Variants in DDX50 observed in about 807,000 individuals in gnomAD.
DDX50 encodes the protein ATP-dependent RNA helicase DDX50.
Under a neutral mutation model 94.8 loss-of-function variants are expected in DDX50, and 56 were observed. The ratio of observed to expected loss-of-function variants is 0.59; its 90% CI spans 0.48 to 0.74. The LOEUF (loss-of-function observed/expected upper bound fraction) is 0.74, where lower values mean the gene tolerates loss of function less well. Among genes scored for constraint, DDX50 ranks in the 30% least tolerant of loss-of-function variants. The probability of loss-of-function intolerance (pLI) is 0.00; values close to 1 mark genes in which losing one functional copy is unlikely to be tolerated. For missense variants in DDX50, 713 were observed against 881.2 expected, an observed-to-expected ratio of 0.81 and a Z score of 2.42; for synonymous variants, 264 against 295.4, an observed-to-expected ratio of 0.89 and a Z score of 1.09.
At chr10:68,907,705 G>A (rs10733848) in intron 2 of DDX50, among the ~76,000 whole-genome samples, 131,885 of 151,958 alleles carry the variant, frequency 0.87, 57,334 homozygotes, top group East Asian at 0.99. Flanking sequence ...TTGGGGAAAA[G>A]TGTTGAATCC....
chr10:68,925,060 C>T (rs568523459), intron 8 of DDX50, among the ~76,000 whole-genome samples: 2 of 151,104 alleles, frequency 1.3e-5, no homozygotes, highest in Admixed American at 6.6e-5. Context: ...CAAATTCCCC[C>T]ACGTAGATAC....
chr10:68,940,303 C>A (rs1331946912), intron 12 of DDX50, among the ~76,000 whole-genome samples: 1 of 150,874 alleles, frequency 6.6e-6, no homozygotes, highest in African/African-American at 2.4e-5. Context: ...TGCTTGAGCC[C>A]AGAAGGTTGA....
chr10:68,906,040 C>T (rs935746978), intron 1 of DDX50, among the ~76,000 whole-genome samples: 2 of 152,136 alleles, frequency 1.3e-5, no homozygotes, highest in African/African-American at 2.4e-5. Flanking sequence ...GGTAGCACCC[C>T]GGTAGGGTTT....
Position 68,911,260 on chromosome 10 carries a change from G to A in DDX50, c.639+14G>A. ...CGCTCACCAAAGGTAATCGTTATAG[G>A]GGGTAAAAGCTTTAAATGTTACTCT... On this transcript the variant is annotated intron_variant, in intron 4 of 14. Transcript: ENST00000373585. The A allele has an allele frequency of 3.9e-6, 6 of 1,555,928 alleles. No homozygotes were observed. Among genetic ancestry groups the A allele is most frequent in the Non-Finnish European group, 5.2e-6 (6 of 1,155,680 alleles).
At chr10:68,929,294 TC>T (rs1489313418) in intron 8 of DDX50, among the ~76,000 whole-genome samples, 7,118 of 109,020 alleles carry the variant, frequency 0.065, 458 homozygotes, top group African/African-American at 0.18. Context: ...CCTTCCTTCC[TC>T]TCTCTCTCTC....
intron 14 of DDX50, among the ~76,000 whole-genome samples, 154 bp downstream of exon 14, chr10:68,943,411 T>A (rs1032694485): frequency 6.6e-6 from 1 of 152,180 alleles, no homozygotes; most frequent in African/African-American, 2.4e-5. Context: ...AAACTTAAAT[T>A]TATTTTTAAA....
chr10:68,922,264 A>G (rs1394124157), intron 8 of DDX50, among the ~76,000 whole-genome samples: 1 of 152,074 alleles, frequency 6.6e-6, no homozygotes, highest in Non-Finnish European at 1.5e-5. Context: ...AGATGTAATC[A>G]TGGCACTTGA....
chr10:68,915,496 T>C (rs977815206), intron 7 of DDX50, among the ~76,000 whole-genome samples: 87 of 152,040 alleles, frequency 5.7e-4, no homozygotes, highest in Admixed American at 4.6e-4. Flanking sequence ...GGCGGGCAGA[T>C]CACGAGGTCA....
At position 68,923,695 on chromosome 10, in the gene DDX50, C is replaced by T. The variant is rs58652052; in HGVS notation, c.1239+3714C>T. On this transcript the variant is annotated intron_variant, in intron 8 of 14. Transcript: ENST00000373585. Reference sequence around the variant, plus strand: ...AGTAGCTGGGATTACAGGTACACACCACCACACCCGGCTAATTTTTGTATA... The same window carrying T: ...AGTAGCTGGGATTACAGGTACACACTACCACACCCGGCTAATTTTTGTATA... Among the ~76,000 whole-genome samples the T allele has an allele frequency of 9.1e-3, 1,379 of 151,772 alleles. 21 individuals are homozygous for T. Among genetic ancestry groups the T allele is most frequent in the African/African-American group, 0.031 (1,287 of 41,372 alleles).
chr10:68,946,690 A>C lies in DDX50; in HGVS notation c.*60A>C, dbSNP rs1842683319. ...CTATTTCTGCCTAATCATGTACATT[A>C]TCCACCAAAAATTAGGTCATCATAG... On this transcript the variant is annotated 3_prime_UTR_variant, in exon 15 of 15. Transcript: ENST00000373585. The C allele has an allele frequency of 6.4e-7, 1 of 1,551,650 alleles. No individual in the cohort carries two copies. Among genetic ancestry groups the C allele is most frequent in the East Asian group, 2.3e-5 (1 of 44,114 alleles).
chr10:68,901,562 C>A, intron 1 of DDX50, 91 bp downstream of exon 1: 2 of 1,375,014 alleles, frequency 1.5e-6, no homozygotes, highest in Non-Finnish European at 9.8e-7. Flanking sequence ...CCTGTCAGAA[C>A]CGGGCCGGAG....
intron 13 of DDX50, 91 bp from the exon 14 acceptor site, chr10:68,943,122 A>G: frequency 9.0e-7 from 1 of 1,109,484 alleles, no homozygotes; most frequent in Non-Finnish European, 1.3e-6. Flanking sequence ...AAATACATTA[A>G]GCAGCCACTG....
chr10:68,942,674 C>T (rs772389395), intron 13 of DDX50, among the ~76,000 whole-genome samples: 1 of 151,810 alleles, frequency 6.6e-6, no homozygotes, highest in East Asian at 1.9e-4. Context: ...AGTGCAGTGG[C>T]GTGATCTTAG....
At chr10:68,913,322 A>G in intron 5 of DDX50, 43 bp downstream of exon 5, 1 of 1,602,056 alleles carries the variant, frequency 6.2e-7, no homozygotes, top group Non-Finnish European at 8.5e-7. Flanking sequence ...CATATTTGAT[A>G]CTCATATTTA....
intron 7 of DDX50, among the ~76,000 whole-genome samples, chr10:68,916,213 G>A (rs568100233): frequency 1.3e-5 from 2 of 152,020 alleles, no homozygotes; most frequent in African/African-American, 2.4e-5. Flanking sequence ...AATTGGCTGG[G>A]CATAGTTGCG....
At chr10:68,910,755 T>TA (rs1841601621) in intron 3 of DDX50, among the ~76,000 whole-genome samples, 2 of 152,216 alleles carry the variant, frequency 1.3e-5, no homozygotes, top group Admixed American at 6.5e-5. Context: ...CTAGATTTTG[T>TA]AAAACTCCTG....
In DDX50 at chr10:68,901,482, C is replaced by T. The variant is rs536675380; in HGVS notation, c.87+11C>T. ...AAGGAGAGGCAAAAGGTGCGCTGAG[C>T]ATGGGCCGCGCCTCCTTTTGGGCTG... On this transcript the variant is annotated intron_variant, in intron 1 of 14. Coordinates refer to ENST00000373585, the MANE Select transcript of DDX50 (RefSeq NM_024045.2). 35 of 1,557,982 alleles carry T rather than the reference C, an allele frequency of 2.2e-5. No individual in the cohort carries two copies. The East Asian group carries it at 7.5e-4, about 34-fold the overall frequency.
Position 68,913,550 on chromosome 10 carries a change from A to G in DDX50, c.917A>G (p.Asp306Gly), listed in dbSNP as rs750045088. 1.2e-6 allele frequency: 2 copies of G among 1,613,378 alleles called. No homozygotes were observed. The highest frequency in any genetic ancestry group is 1.1e-5 in the South Asian group (1 of 90,808). Residue 306 changes from aspartate (D) to glycine (G), a missense_variant, in exon 6 of 15, where the codon GAT (aspartate) becomes GGT (glycine). This residue lies in a region of DDX50 where 428 missense variants were observed against 602.3 expected (regional missense o/e 0.71). Transcript: ENST00000373585. ...TTAGGTTTCGCTGAACAAGTTGAAG[A>G]TATTATTCATGAATCCTACAAAACT... is the stretch of plus-strand genomic sequence containing the variant. ...LDLGFAEQVE[D>G]IIHESYKTDS...
intron 12 of DDX50, among the ~76,000 whole-genome samples, chr10:68,940,741 T>C (rs185779774): frequency 6.6e-6 from 1 of 152,236 alleles, no homozygotes; most frequent in East Asian, 1.9e-4. Context: ...CAAGCTGACT[T>C]TGACTCCTTC....
Sources: gnomAD v4.1 joint callset for allele counts (sites outside exome capture counted in the v4.1 genomes callset) on GRCh38, gnomAD v4.1.1 for gene constraint, gnomAD v4.1.1 regional missense constraint, MANE v1.5 for transcripts, NCBI Gene and HGNC (gene_info 2026-07-23, HGNC 2026-07-21) for gene names.